The following ARHGAP5 variants were observed in gnomAD, a reference collection of about 807,000 sequenced individuals.
ARHGAP5 encodes the protein Rho GTPase activating protein 5.
Under a neutral mutation model 116.6 loss-of-function variants are expected in ARHGAP5, and 23 were observed. The ratio of observed to expected loss-of-function variants is 0.20; its 90% CI spans 0.14 to 0.28. The LOEUF is 0.28. Among genes scored for constraint, ARHGAP5 ranks in the 10% least tolerant of loss-of-function variants. The probability of loss-of-function intolerance (pLI) is 1.00; values close to 1 mark genes in which losing one functional copy is unlikely to be tolerated. For synonymous variants in ARHGAP5, 574 were observed against 602.0 expected, an observed-to-expected ratio of 0.95 and a Z score of 0.68; for missense variants, 1,405 against 1,774.8, an observed-to-expected ratio of 0.79 and a Z score of 3.74.
Position 32,092,623 on chromosome 14 carries a change from G to A in ARHGAP5, c.1954G>A (p.Ala652Thr), listed in dbSNP as rs146396734. 3.8e-4 allele frequency: 610 copies of A among 1,613,888 alleles called. 2 individuals carry two copies. In the African/African-American group the frequency reaches 6.4e-3, roughly 17 times the overall value. Reference sequence around the variant, plus strand: ...CTTTTTGAGTCAGTTATGGACTGCCGCCTTTAAACCACATGGGTGCTTCTG... The same window carrying A: ...CTTTTTGAGTCAGTTATGGACTGCCACCTTTAAACCACATGGGTGCTTCTG... ...PYFLSQLWTAAFKPHGCFCVF... is the reference protein window; with the variant it reads ...PYFLSQLWTATFKPHGCFCVF... Residue 652 changes from alanine to threonine, a missense_variant, in exon 2 of 7, where the codon GCC becomes ACC. Ala to Thr is a moderately conservative substitution (Grantham distance 58). Transcript: ENST00000345122. This position sits in a 1 kb window ranked among gnomAD's most constrained non-coding sequence, Gnocchi z 4.1.
At chr14:32,141,048 T>A (rs1266966755) in intron 3 of ARHGAP5, among the ~76,000 whole-genome samples, 1 of 152,242 alleles carries the variant, frequency 6.6e-6, no homozygotes, top group Non-Finnish European at 1.5e-5. Context: ...TCCCTGTTAC[T>A]GATGTATAAT....
chr14:32,104,126 A>G (rs1314715793), intron 2 of ARHGAP5, among the ~76,000 whole-genome samples: 1 of 152,184 alleles, frequency 6.6e-6, no homozygotes, highest in East Asian at 1.9e-4. Flanking sequence ...CCAGTTTAAG[A>G]AACTCCTTGT....
At chr14:32,112,884 T>C (rs995696009) in intron 2 of ARHGAP5, among the ~76,000 whole-genome samples, 5 of 151,674 alleles carry the variant, frequency 3.3e-5, no homozygotes, top group Admixed American at 2.6e-4. Flanking sequence ...AAAAAAAAAA[T>C]TGGATTTTCA....
At chr14:32,120,285 C>T (rs182903034) in intron 3 of ARHGAP5, among the ~76,000 whole-genome samples, 1 of 152,022 alleles carries the variant, frequency 6.6e-6, no homozygotes, top group East Asian at 1.9e-4. Context: ...CGTCTTTCTT[C>T]CCTGATATTA....
At chr14:32,086,333 T>G (rs2041829157) in intron 1 of ARHGAP5, among the ~76,000 whole-genome samples, 1 of 152,118 alleles carries the variant, frequency 6.6e-6, no homozygotes, top group African/African-American at 2.4e-5. Flanking sequence ...TTAGCAGTAC[T>G]CGAGAGTTTT....
rs1211599394 is a variant in ARHGAP5, at chr14:32,158,347, T to C, written c.*3399T>C. 1.3e-5 allele frequency: 2 copies of C among 151,994 alleles called. No individual in the cohort carries two copies. Among genetic ancestry groups the C allele is most frequent in the African/African-American group, 2.4e-5 (1 of 41,458 alleles). 9.4% of individuals were successfully genotyped at this position (151,994 alleles called of 1,614,324 possible). ...GGTGAAAATTTGATTTTTTAAATTATCAGGAAAACAAGATAATGCACAGAT... is the reference window on the plus strand; with the variant it reads ...GGTGAAAATTTGATTTTTTAAATTACCAGGAAAACAAGATAATGCACAGAT... On this transcript the variant is annotated 3_prime_UTR_variant, in exon 7 of 7. Coordinates refer to ENST00000345122, the MANE Select transcript of ARHGAP5 (RefSeq NM_001030055.2).
rs552873698 is a variant in ARHGAP5 at position 32,128,015 on chromosome 14, G to A, written c.3865+10728G>A. 1.2e-3 allele frequency among the ~76,000 whole-genome samples: 184 copies of A among 147,570 alleles called. 1 individual carries two copies. Among genetic ancestry groups the A allele is most frequent in the African/African-American group, 4.4e-3 (174 of 39,822 alleles). On this transcript the variant is annotated intron_variant, in intron 3 of 6. Coordinates refer to ENST00000345122, the MANE Select transcript of ARHGAP5 (RefSeq NM_001030055.2). ...CTCCTCACCTCCCAGACGGGGTGGC[G>A]GCCGGGTAGAGACGCTCCTCACCTC... is the stretch of plus-strand genomic sequence containing the variant.
intron 1 of ARHGAP5, among the ~76,000 whole-genome samples, chr14:32,079,730 ACTT>A (rs1313784875): frequency 6.6e-5 from 10 of 152,208 alleles, no homozygotes; most frequent in African/African-American, 2.4e-4. Flanking sequence ...TTTAGTGGTC[ACTT>A]CTTAAATATG....
chr14:32,104,640 C>A (rs1017297201), intron 2 of ARHGAP5, among the ~76,000 whole-genome samples: 1 of 152,194 alleles, frequency 6.6e-6, no homozygotes, highest in African/African-American at 2.4e-5. Flanking sequence ...TGCTGCTTCT[C>A]ACTGCCTGAT....
intron 3 of ARHGAP5, among the ~76,000 whole-genome samples, chr14:32,134,356 C>T (rs1231987513): frequency 1.3e-5 from 2 of 152,120 alleles, no homozygotes; most frequent in Non-Finnish European, 2.9e-5. Flanking sequence ...TTAAGAAACT[C>T]GTTTTTGATA....
At chr14:32,114,101 G>A (rs1369367269) in intron 2 of ARHGAP5, among the ~76,000 whole-genome samples, 5 of 152,044 alleles carry the variant, frequency 3.3e-5, no homozygotes, top group African/African-American at 7.2e-5. Context: ...GATGGCACAC[G>A]CCTGTAGTCC....
chr14:32,089,815 A>T (rs1212681068), intron 1 of ARHGAP5, among the ~76,000 whole-genome samples: 1 of 151,944 alleles, frequency 6.6e-6, no homozygotes, highest in African/African-American at 2.4e-5. Context: ...AGTTGGTCTT[A>T]TAGGTTTGAA....
At chr14:32,148,082 G>A (rs1045326509) in intron 4 of ARHGAP5, among the ~76,000 whole-genome samples, 2 of 152,160 alleles carry the variant, frequency 1.3e-5, no homozygotes, top group African/African-American at 4.8e-5. Flanking sequence ...GAACCCAGGA[G>A]GGGGAGGTTG....
chr14:32,141,311 A>G (rs1429400783), intron 3 of ARHGAP5, among the ~76,000 whole-genome samples: 3 of 152,222 alleles, frequency 2.0e-5, no homozygotes, highest in African/African-American at 4.8e-5. Flanking sequence ...TTTCTTAGTC[A>G]TTACCCTGCA....
At chr14:32,080,956 G>T (rs2041766424) in intron 1 of ARHGAP5, among the ~76,000 whole-genome samples, 1 of 152,122 alleles carries the variant, frequency 6.6e-6, no homozygotes, top group Non-Finnish European at 1.5e-5. Flanking sequence ...TACTTGCTTA[G>T]AGTCTCAAGC....
At chr14:32,107,035 A>G (rs971560949) in intron 2 of ARHGAP5, among the ~76,000 whole-genome samples, 1 of 152,202 alleles carries the variant, frequency 6.6e-6, no homozygotes, top group South Asian at 2.1e-4. Flanking sequence ...TTGACATTTA[A>G]TCGCATATTA....
intron 3 of ARHGAP5, among the ~76,000 whole-genome samples, chr14:32,120,310 T>C (rs1176615016): frequency 1.3e-5 from 2 of 152,082 alleles, no homozygotes; most frequent in Non-Finnish European, 1.5e-5. Context: ...ATTGTGTCTT[T>C]TTTGTTGTGG....
At chr14:32,086,692 C>T (rs965281527) in intron 1 of ARHGAP5, among the ~76,000 whole-genome samples, 1 of 151,358 alleles carries the variant, frequency 6.6e-6, no homozygotes, top group African/African-American at 2.4e-5. Flanking sequence ...TTTTAGATTC[C>T]TTGTAGAACT....
intron 2 of ARHGAP5, among the ~76,000 whole-genome samples, chr14:32,110,193 A>G (rs1338972537): frequency 3.4e-5 from 5 of 147,574 alleles, no homozygotes; most frequent in Non-Finnish European, 7.5e-5. Context: ...TAGAGCTTAA[A>G]TTGTAGCTGG....
Sources: gnomAD v4.1 joint callset for allele counts (sites outside exome capture counted in the v4.1 genomes callset) on GRCh38, gnomAD v4.1.1 for gene constraint, Gnocchi (gnomAD v3.1) non-coding constraint, MANE v1.5 for transcripts, NCBI Gene and HGNC (gene_info 2026-07-23, HGNC 2026-07-21) for gene names.